The following EFEMP1 variants were observed in gnomAD, a reference collection of about 807,000 sequenced individuals.
EFEMP1 encodes the protein EGF-containing fibulin-like extracellular matrix protein 1.
EFEMP1 carries 18 observed loss-of-function variants against 65.7 expected under a neutral mutation model. The ratio of observed to expected loss-of-function variants is 0.27; its 90% CI spans 0.19 to 0.41. The LOEUF is 0.41. Among genes scored for constraint, EFEMP1 ranks in the 10% least tolerant of loss-of-function variants. The pLI, the probability that EFEMP1 is intolerant of heterozygous loss-of-function variation, is 1.00. For missense variants in EFEMP1, 469 were observed against 624.8 expected, an observed-to-expected ratio of 0.75 and a Z score of 2.66; for synonymous variants, 237 against 219.7, an observed-to-expected ratio of 1.08 and a Z score of -0.70.
rs1284109890 is a variant in EFEMP1 at position 55,922,936 on chromosome 2, A to G, written c.-45T>C. On this transcript the variant is annotated 5_prime_UTR_variant, in exon 2 of 12. Transcript: ENST00000355426. The surrounding 1 kb of genome is among the most constrained non-coding windows in gnomAD (Gnocchi z 5.5). ...GAGTTCCTTGCACAGCACAGCAAAAATACCTGTGAGCCAATATGAATTGCC... is the reference window on the plus strand; with the variant it reads ...GAGTTCCTTGCACAGCACAGCAAAAGTACCTGTGAGCCAATATGAATTGCC... 2 of 1,026,384 alleles carry G rather than the reference A, an allele frequency of 1.9e-6. No individual in the cohort carries two copies. Among genetic ancestry groups the G allele is most frequent in the East Asian group, 1.7e-4 (2 of 11,682 alleles). 63.6% of individuals were successfully genotyped at this position (1,026,384 alleles called of 1,614,324 possible).
intron 5 of EFEMP1, among the ~76,000 whole-genome samples, chr2:55,916,392 G>A (rs1361003321): frequency 6.6e-6 from 1 of 152,214 alleles, no homozygotes; most frequent in Non-Finnish European, 1.5e-5. Flanking sequence ...TTACAGGCGT[G>A]AGCCACCGTG....
At chr2:55,876,011 C>T (rs972308946) in intron 8 of EFEMP1, among the ~76,000 whole-genome samples, 1 of 151,776 alleles carries the variant, frequency 6.6e-6, no homozygotes, top group Non-Finnish European at 1.5e-5. Context: ...CTCAGGATGT[C>T]TAATGCCTTT....
chr2:55,923,459 G>A lies in EFEMP1; in HGVS notation c.-49+252C>T, dbSNP rs1670986404. On this transcript the variant is annotated intron_variant, in intron 1 of 11. Coordinates refer to ENST00000355426, the MANE Select transcript of EFEMP1 (RefSeq NM_001039348.3). The surrounding 1 kb of genome is among the most constrained non-coding windows in gnomAD (Gnocchi z 5.3). ...TTTCAAAACCACGTTTATGGGCAAAGCCCTGCCGGCTGGTTGTCGGCGCGC... is the reference window on the plus strand; with the variant it reads ...TTTCAAAACCACGTTTATGGGCAAAACCCTGCCGGCTGGTTGTCGGCGCGC... 6.6e-6 allele frequency among the ~76,000 whole-genome samples: 1 copy of A among 152,186 alleles called. No homozygotes were observed. Among genetic ancestry groups the A allele is most frequent in the Non-Finnish European group, 1.5e-5 (1 of 68,032 alleles).
intron 5 of EFEMP1, among the ~76,000 whole-genome samples, chr2:55,912,405 T>C (rs149417574): frequency 1.6e-3 from 240 of 152,332 alleles, no homozygotes; most frequent in African/African-American, 5.2e-3. Flanking sequence ...TATGATTTTC[T>C]AATTCTCTTC....
At position 55,918,345 on chromosome 2, in the gene EFEMP1, C is replaced by T. The variant is rs1012203083; in HGVS notation, c.82-78G>A. On this transcript the variant is annotated intron_variant, in intron 3 of 11. Coordinates refer to ENST00000355426, the MANE Select transcript of EFEMP1 (RefSeq NM_001039348.3). ...ATTCCCTAAGAAATCACTCTAAAAG[C>T]TTCATTCTTATGGCAACAATCCTTG... is the stretch of plus-strand genomic sequence containing the variant. 3 of 1,523,814 alleles carry T rather than the reference C, an allele frequency of 2.0e-6. No homozygotes were observed. In the African/African-American group the frequency reaches 4.1e-5, roughly 21 times the overall value. 94.4% of individuals were successfully genotyped at this position (1,523,814 alleles called of 1,614,324 possible). A position where few individuals can be genotyped will look rare whatever the true frequency, so the allele number is the denominator to read the frequency against.
At chr2:55,889,514 A>G (rs535983960) in intron 5 of EFEMP1, among the ~76,000 whole-genome samples, 31 of 152,310 alleles carry the variant, frequency 2.0e-4, no homozygotes, top group Non-Finnish European at 4.0e-4. Context: ...TTTGCACTAA[A>G]TTCTTTTTTC....
chr2:55,875,216 A>G (rs1385464434), intron 8 of EFEMP1, 151 bp from the exon 9 acceptor site: 3 of 321,942 alleles, frequency 9.3e-6, no homozygotes, highest in Non-Finnish European at 1.4e-5. Context: ...AAAATTATTT[A>G]TATTTTAAGG....
At chr2:55,916,201 C>T (rs888075838) in intron 5 of EFEMP1, among the ~76,000 whole-genome samples, 14 of 151,644 alleles carry the variant, frequency 9.2e-5, no homozygotes, top group African/African-American at 3.2e-4. Flanking sequence ...CCTTCACCTC[C>T]CAGGTTCAAG....
chr2:55,886,109 T>G lies in EFEMP1; in HGVS notation c.518-4375A>C, dbSNP rs1669411468. Among the ~76,000 whole-genome samples the G allele has an allele frequency of 6.6e-6, 1 of 152,210 alleles. No homozygotes were observed. Among genetic ancestry groups the G allele is most frequent in the Non-Finnish European group, 1.5e-5 (1 of 68,028 alleles). Reference sequence around the variant, plus strand: ...TTAGAACTACTTTTGAATAAGCCACTGTAGACTAGTGATGAGAATGCACTA... The same window carrying G: ...TTAGAACTACTTTTGAATAAGCCACGGTAGACTAGTGATGAGAATGCACTA... On this transcript the variant is annotated intron_variant, in intron 5 of 11. Coordinates refer to ENST00000355426, the MANE Select transcript of EFEMP1 (RefSeq NM_001039348.3). This position sits in a 1 kb window ranked among gnomAD's most constrained non-coding sequence, Gnocchi z 4.0.
At chr2:55,893,863 AC>A (rs1159918792) in intron 5 of EFEMP1, among the ~76,000 whole-genome samples, 1 of 152,186 alleles carries the variant, frequency 6.6e-6, no homozygotes, top group Non-Finnish European at 1.5e-5. Context: ...TATGACTAAC[AC>A]CCAATCAACA....
rs1304303418 is a variant in EFEMP1, at chr2:55,885,062, C to T, written c.518-3328G>A. 1.3e-5 allele frequency among the ~76,000 whole-genome samples: 2 copies of T among 152,114 alleles called. No homozygotes were observed. Among genetic ancestry groups the T allele is most frequent in the Non-Finnish European group, 2.9e-5 (2 of 68,026 alleles). The stretch of plus-strand genomic sequence containing the variant: ...AGTAACAAGGTATATCTGAGAAACA[C>T]AGCAAAATCAGTAAGATGTTAGTAA... On this transcript the variant is annotated intron_variant, in intron 5 of 11. Transcript: ENST00000355426. This position sits in a 1 kb window ranked among gnomAD's most constrained non-coding sequence, Gnocchi z 4.3.
In EFEMP1 at chr2:55,875,333, T is replaced by TACACACACACAC. The variant is rs1340819904; in HGVS notation, c.881-269_881-268insGTGTGTGTGTGT. ...TTTCTTAAGTTGCCTGGGTTTCATA[T>TACACACACACAC]ATACACACACACACACACACACACA... On this transcript the variant is annotated intron_variant, in intron 8 of 11. Transcript: ENST00000355426. Among the ~76,000 whole-genome samples the TACACACACACAC allele has an allele frequency of 1.0e-3, 129 of 126,914 alleles. No homozygotes were observed. The South Asian group carries it at 0.012, about 12-fold the overall frequency. 83.3% of individuals were successfully genotyped at this position (126,914 alleles called of 152,430 possible).
intron 5 of EFEMP1, among the ~76,000 whole-genome samples, chr2:55,895,520 A>G (rs1669790056): frequency 6.6e-6 from 1 of 151,280 alleles, no homozygotes; most frequent in African/African-American, 2.4e-5. Flanking sequence ...GGTGACCTTT[A>G]GGACAGCTGT....
At position 55,871,152 on chromosome 2, in the gene EFEMP1, C is replaced by G; in HGVS notation, c.1001-29G>C. On this transcript the variant is annotated intron_variant, in intron 9 of 11. Transcript: ENST00000355426. This position sits in a 1 kb window ranked among gnomAD's most constrained non-coding sequence, Gnocchi z 4.2. ...TAGAGATGTAGGGTCAAAGAGTTTA[C>G]TAACTAAACTAATGAACTGATCTAA... The G allele has an allele frequency of 1.2e-6, 2 of 1,612,660 alleles. No individual in the cohort carries two copies.
At chr2:55,905,026 AATAAT>A (rs1390419947) in intron 5 of EFEMP1, among the ~76,000 whole-genome samples, 1 of 136,954 alleles carries the variant, frequency 7.3e-6, no homozygotes, top group Non-Finnish European at 1.5e-5. Flanking sequence ...TTGGCATAAC[AATAAT>A]ATATTACCTA....
Position 55,867,253 on chromosome 2 carries a change from G to A in EFEMP1, c.1321-19C>T, listed in dbSNP as rs1467733486. Reference sequence around the variant, plus strand: ...TTGTTTGCTAAAATAAAAGAAAATAGAGAAAGGAAGAGAATAATTTTCTTG... The same window carrying A: ...TTGTTTGCTAAAATAAAAGAAAATAAAGAAAGGAAGAGAATAATTTTCTTG... On this transcript the variant is annotated intron_variant, in intron 11 of 11. Transcript: ENST00000355426. The surrounding 1 kb of genome is among the most constrained non-coding windows in gnomAD (Gnocchi z 4.3). The A allele has an allele frequency of 2.5e-6, 4 of 1,611,438 alleles. No homozygotes were observed. In the African/African-American group the frequency reaches 5.3e-5, roughly 22 times the overall value.
rs532315856 is a variant in EFEMP1, at chr2:55,919,487, C to T, written c.82-1220G>A. 6.6e-6 allele frequency among the ~76,000 whole-genome samples: 1 copy of T among 152,196 alleles called. No individual in the cohort carries two copies. The highest frequency in any genetic ancestry group is 2.1e-4 in the South Asian group (1 of 4,822). ...ACTTCTTGAGAAATGTTGCTACAGG[C>T]GATAAGAGGCCTCTGAAGAATTTTT... On this transcript the variant is annotated intron_variant, in intron 3 of 11. Transcript: ENST00000355426. This position sits in a 1 kb window ranked among gnomAD's most constrained non-coding sequence, Gnocchi z 4.5.
At chr2:55,910,647 G>C (rs1171260117) in intron 5 of EFEMP1, among the ~76,000 whole-genome samples, 1 of 152,090 alleles carries the variant, frequency 6.6e-6, no homozygotes, top group Non-Finnish European at 1.5e-5. Flanking sequence ...TCTCCTTCTT[G>C]CTTCAATGGG....
intron 5 of EFEMP1, among the ~76,000 whole-genome samples, chr2:55,890,318 G>A (rs977891373): frequency 6.6e-6 from 1 of 151,938 alleles, no homozygotes; most frequent in Admixed American, 6.6e-5. Context: ...TATAGGCTCA[G>A]TATAGACAAA....
Sources: allele counts gnomAD v4.1 joint callset (sites outside exome capture counted in the v4.1 genomes callset), GRCh38; gene constraint gnomAD v4.1.1; non-coding constraint Gnocchi (gnomAD v3.1); transcripts MANE v1.5; gene names NCBI Gene and HGNC (gene_info 2026-07-23, HGNC 2026-07-21).